PTPRN2: variants seen among roughly 807,000 people sequenced by gnomAD.
PTPRN2 encodes receptor-type tyrosine-protein phosphatase N2.
A neutral mutation model predicts 118.8 loss-of-function variants in PTPRN2; 74 were observed. The ratio of observed to expected loss-of-function variants is 0.62; its 90% CI spans 0.52 to 0.76. PTPRN2 has a LOEUF of 0.76. Ranked by LOEUF, PTPRN2 falls within the 30% of genes least tolerant of loss-of-function variation. The pLI is 0.00. For missense variants in PTPRN2, 1,481 were observed against 1,394.4 expected (o/e 1.06, Z -0.99); for synonymous variants, 641 against 608.0 (o/e 1.05, Z -0.80).
intron 2 of PTPRN2, among the ~76,000 whole-genome samples, chr7:158,466,968 G>A (rs1478066409): frequency 1.3e-5 from 2 of 152,236 alleles, no homozygotes; most frequent in African/African-American, 4.8e-5. Flanking sequence ...TTGAACCCAG[G>A]AGGCAGAGGT....
intron 11 of PTPRN2, chr7:158,028,658 G>C (rs922112870): frequency 2.0e-5 from 3 of 152,306 alleles, no homozygotes; most frequent in Non-Finnish European, 4.4e-5. Context: ...ATATTTAACT[G>C]TCAGAAGGAA....
rs568554312 is a variant in PTPRN2, at chr7:158,438,581, A to C, written c.163+51154T>G. 6.6e-6 allele frequency among the ~76,000 whole-genome samples: 1 copy of C among 152,304 alleles called. No individual in the cohort carries two copies. Among genetic ancestry groups the C allele is most frequent in the South Asian group, 2.1e-4 (1 of 4,808 alleles). ...CCCAGCACTTCTAGTTGTTCCCCACAGGAAATCTGATCCGATGCAAACAGA... is the reference window on the plus strand; with the variant it reads ...CCCAGCACTTCTAGTTGTTCCCCACCGGAAATCTGATCCGATGCAAACAGA... On this transcript the variant is annotated intron_variant, in intron 2 of 22. Coordinates refer to ENST00000389418, the MANE Select transcript of PTPRN2 (RefSeq NM_002847.5). This position sits in a 1 kb window ranked among gnomAD's most constrained non-coding sequence, Gnocchi z 4.7.
At chr7:157,612,841 G>T (rs1281430338) in intron 15 of PTPRN2, among the ~76,000 whole-genome samples, 6 of 152,204 alleles carry the variant, frequency 3.9e-5, no homozygotes, top group Non-Finnish European at 8.8e-5. Context: ...CCACAGAGGC[G>T]CTGGGGTGAA....
Position 158,151,870 on chromosome 7 carries a change from A to G in PTPRN2, c.911-13355T>C, listed in dbSNP as rs184804906. On this transcript the variant is annotated intron_variant, in intron 6 of 22. Transcript: ENST00000389418. ...TCCATCTATGTTAGAAGGAACAGGA[A>G]ACAAATAAAAACCATGAATGCGGCC... 7.9e-5 allele frequency among the ~76,000 whole-genome samples: 12 copies of G among 152,338 alleles called. No homozygotes were observed. In the East Asian group the frequency reaches 2.1e-3, roughly 27 times the overall value.
chr7:158,389,180 TGCGGCCAC>T (rs1811733889), intron 2 of PTPRN2, among the ~76,000 whole-genome samples: 1 of 152,208 alleles, frequency 6.6e-6, no homozygotes, highest in South Asian at 2.1e-4. Context: ...AGGAGGCAGG[TGCGGCCAC>T]TGAGGCCACA....
chr7:158,070,852 A>AGGTGCCCGTGGTGGTGGT (rs1811308461), intron 11 of PTPRN2, among the ~76,000 whole-genome samples: 1 of 78,810 alleles, frequency 1.3e-5, no homozygotes, highest in African/African-American at 6.2e-5. Flanking sequence ...GGTGGTATGG[A>AGGTGCCCGTGGTGGTGGT]GGTGCCCGTG....
At position 157,903,251 on chromosome 7, in the gene PTPRN2, C is replaced by T. The variant is rs10949670; in HGVS notation, c.1724-4514G>A. ...GCCATAGAGATGGGAACAACAGACACGTAAGAGGGAATGTGAGAGGGAATG... is the reference window on the plus strand; with the variant it reads ...GCCATAGAGATGGGAACAACAGACATGTAAGAGGGAATGTGAGAGGGAATG... On this transcript the variant is annotated intron_variant, in intron 11 of 22. Transcript: ENST00000389418. This position sits in a 1 kb window ranked among gnomAD's most constrained non-coding sequence, Gnocchi z 4.2. Among the ~76,000 whole-genome samples the T allele has an allele frequency of 0.29, 43,997 of 151,804 alleles. 7,185 individuals are homozygous for T. The highest frequency in any genetic ancestry group is 0.38 in the Non-Finnish European group (25,991 of 67,936).
At chr7:158,297,556 T>C (rs1800589575) in intron 3 of PTPRN2, among the ~76,000 whole-genome samples, 1 of 152,172 alleles carries the variant, frequency 6.6e-6, no homozygotes, top group Admixed American at 6.5e-5. Flanking sequence ...CCCTCATTTC[T>C]CCTTTGACTA....
chr7:157,707,329 A>G (rs1798384520), intron 12 of PTPRN2, among the ~76,000 whole-genome samples: 1 of 152,040 alleles, frequency 6.6e-6, no homozygotes, highest in Non-Finnish European at 1.5e-5. Flanking sequence ...ACATTCACAC[A>G]CACATAGGCA....
intron 3 of PTPRN2, among the ~76,000 whole-genome samples, chr7:158,249,025 AAC>A (rs941265992): frequency 2.5e-4 from 33 of 133,106 alleles, no homozygotes; most frequent in African/African-American, 7.3e-4. Context: ...TGCATACATA[AAC>A]ACACGTGCAC....
intron 2 of PTPRN2, among the ~76,000 whole-genome samples, chr7:158,323,080 T>C (rs1056155913): frequency 1.3e-5 from 2 of 152,140 alleles, no homozygotes; most frequent in African/African-American, 2.4e-5. Flanking sequence ...AGGGGAATAT[T>C]CTGGGAGACG....
chr7:157,728,483 C>T (rs1396692467), intron 12 of PTPRN2, among the ~76,000 whole-genome samples: 1 of 152,206 alleles, frequency 6.6e-6, no homozygotes, highest in African/African-American at 2.4e-5. Context: ...TCCCGGGGCC[C>T]TTGGCTCAGT....
At chr7:158,271,509 C>A (rs1798513334) in intron 3 of PTPRN2, among the ~76,000 whole-genome samples, 1 of 152,242 alleles carries the variant, frequency 6.6e-6, no homozygotes, top group South Asian at 2.1e-4. Flanking sequence ...AGTCCACATG[C>A]ACGGGACGGG....
At chr7:157,649,109 C>T (rs1303910820) in intron 14 of PTPRN2, among the ~76,000 whole-genome samples, 6 of 124,808 alleles carry the variant, frequency 4.8e-5, no homozygotes, top group Non-Finnish European at 6.9e-5. Flanking sequence ...CTCGGTGGGT[C>T]GGACCCATTC....
At chr7:158,304,155 G>A (rs144498598) in intron 3 of PTPRN2, among the ~76,000 whole-genome samples, 1 of 148,238 alleles carries the variant, frequency 6.7e-6, no homozygotes, top group African/African-American at 2.5e-5. Context: ...ATACACATAA[G>A]ATGTACACAG....
chr7:158,025,033 C>T (rs576813877), intron 11 of PTPRN2, among the ~76,000 whole-genome samples: 1 of 152,194 alleles, frequency 6.6e-6, no homozygotes, highest in East Asian at 1.9e-4. Context: ...GATGGGTAAG[C>T]GGGCAGCTGG....
chr7:158,307,794 T>C (rs759313160), intron 3 of PTPRN2, among the ~76,000 whole-genome samples: 12 of 152,160 alleles, frequency 7.9e-5, no homozygotes, highest in Non-Finnish European at 1.5e-4. Flanking sequence ...AGGAGGAAAC[T>C]GGGTCATGAG....
chr7:158,138,389 C>G lies in PTPRN2; in HGVS notation c.1037G>C (p.Gly346Ala), dbSNP rs376293152. ...MAGLMQGVDH[G>A]VARGSPGRAA... ...TCTCCCAGGGCTGCCTCGAGCTACT[C>G]CATGGTCCACGCCTTGCATCAGGCC... Residue 346 changes from glycine (G) to alanine (A), a missense_variant, in exon 7 of 23, where the codon GGA (glycine) becomes GCA (alanine). Around this residue, in one of 3 missense-constraint regions of PTPRN2, gnomAD observed 1,115 missense variants for 994.2 expected, o/e 1.12. Transcript: ENST00000389418. 2.4e-5 allele frequency: 39 copies of G among 1,613,794 alleles called. No individual in the cohort carries two copies. The highest frequency in any genetic ancestry group is 1.6e-4 in the Middle Eastern group (1 of 6,080).
intron 12 of PTPRN2, among the ~76,000 whole-genome samples, chr7:157,736,150 G>T (rs1033597242): frequency 5.9e-5 from 9 of 152,150 alleles, no homozygotes; most frequent in African/African-American, 2.2e-4. Flanking sequence ...TACATCACCC[G>T]ATCACACCAG....
Sources: allele counts gnomAD v4.1 joint callset (sites outside exome capture counted in the v4.1 genomes callset), GRCh38; gene constraint gnomAD v4.1.1; regional missense constraint gnomAD v4.1.1; non-coding constraint Gnocchi (gnomAD v3.1); transcripts MANE v1.5; gene names NCBI Gene and HGNC (gene_info 2026-07-23, HGNC 2026-07-21).